The following ZNF605 variants were observed in gnomAD, a reference collection of about 807,000 sequenced individuals.
ZNF605 encodes the protein zinc finger protein 605.
ZNF605 carries 9 observed loss-of-function variants against 7.9 expected under a neutral mutation model. The observed-to-expected ratio is 1.14, with a 90% CI of 0.68 to 1.98. ZNF605 has a LOEUF of 1.98. ZNF605 is among the 30% of genes most tolerant of loss of function. ZNF605 has a pLI of 0.00. For synonymous variants in ZNF605, 255 were observed against 260.1 expected (o/e 0.98, Z 0.19); for missense variants, 673 against 762.4 (o/e 0.88, Z 1.38).
At chr12:132,944,653 A>G (rs1338137365) in intron 3 of ZNF605, 2 of 152,172 alleles carry the variant, frequency 1.3e-5, no homozygotes, top group Admixed American at 6.6e-5. Context: ...CCTCGAAGAA[A>G]CTGTGTTCTG....
rs941626447 is a variant in ZNF605 at position 132,937,642 on chromosome 12, T to C, written c.16-4487A>G. On this transcript the variant is annotated intron_variant, in intron 3 of 4. Coordinates refer to ENST00000360187, the MANE Select transcript of ZNF605 (RefSeq NM_183238.4). The stretch of plus-strand genomic sequence containing the variant: ...TTGAAAACATTTTGGCAGTTTCTTA[T>C]AAAGTTGAACACAGACTTACCACAC... Among the ~76,000 whole-genome samples the C allele has an allele frequency of 1.1e-4, 17 of 152,310 alleles. 1 individual carries two copies. The East Asian group carries it at 3.3e-3, about 29-fold the overall frequency.
chr12:132,928,841 G>A (rs545613025), intron 4 of ZNF605, among the ~76,000 whole-genome samples: 142 of 151,552 alleles, frequency 9.4e-4, no homozygotes, highest in African/African-American at 2.9e-3. Context: ...TGGAGAAACT[G>A]TCTCTTCAAA....
At chr12:132,943,100 C>T (rs1031635423) in intron 3 of ZNF605, among the ~76,000 whole-genome samples, 2 of 152,046 alleles carry the variant, frequency 1.3e-5, no homozygotes, top group African/African-American at 4.8e-5. Flanking sequence ...CGGTGGCTCA[C>T]GTCTGTAATC....
In ZNF605 at chr12:132,922,324, A is replaced by G. The variant is rs1272443746; in HGVS notation, c.*3049T>C. ...AGTAAAAGACTTCATAAGTCTTTCT[A>G]TTACTGAAGAGGAGCTTAGTAATAA... On this transcript the variant is annotated 3_prime_UTR_variant, in exon 5 of 5. Transcript: ENST00000360187. 1.3e-5 allele frequency: 2 copies of G among 152,346 alleles called. No homozygotes were observed. Among genetic ancestry groups the G allele is most frequent in the South Asian group, 2.1e-4 (1 of 4,830 alleles). The allele number at this position is 152,346 out of a possible 1,614,324, so 9.4% of individuals were successfully genotyped here.
In ZNF605 at chr12:132,933,999, G is replaced by T. The variant is rs1304789176; in HGVS notation, c.16-844C>A. Among the ~76,000 whole-genome samples the T allele has an allele frequency of 6.6e-6, 1 of 152,188 alleles. No homozygotes were observed. The highest frequency in any genetic ancestry group is 2.4e-5 in the African/African-American group (1 of 41,448). On this transcript the variant is annotated intron_variant, in intron 3 of 4. Coordinates refer to ENST00000360187, the MANE Select transcript of ZNF605 (RefSeq NM_183238.4). The surrounding 1 kb of genome is among the most constrained non-coding windows in gnomAD (Gnocchi z 4.4). ...TGGCTGGGCACGGTGGCTTATGCCT[G>T]TAATCCCAGCACTTTGGGAGGCTGA...
intron 4 of ZNF605, among the ~76,000 whole-genome samples, chr12:132,928,576 T>C (rs1283873088): frequency 1.3e-5 from 2 of 152,210 alleles, no homozygotes; most frequent in African/African-American, 2.4e-5. Flanking sequence ...GTACAATTGT[T>C]TGTGATTTCT....
chr12:132,941,613 C>T lies in ZNF605; in HGVS notation c.15+4008G>A, dbSNP rs1016161605. On this transcript the variant is annotated intron_variant, in intron 3 of 4. Coordinates refer to ENST00000360187, the MANE Select transcript of ZNF605 (RefSeq NM_183238.4). The surrounding 1 kb of genome is among the most constrained non-coding windows in gnomAD (Gnocchi z 5.1). ...GCAACAGGGTAACTGACTGTTGTAA[C>T]GGACAGCTTCGGTGGCTGCTGGGAG... Among the ~76,000 whole-genome samples, 2 of 152,238 alleles carry T rather than the reference C, an allele frequency of 1.3e-5. No homozygotes were observed. The highest frequency in any genetic ancestry group is 1.5e-5 in the Non-Finnish European group (1 of 68,042).
At chr12:132,952,322 A>T (rs1325067834) in intron 1 of ZNF605, among the ~76,000 whole-genome samples, 1 of 151,746 alleles carries the variant, frequency 6.6e-6, no homozygotes, top group Non-Finnish European at 1.5e-5. Context: ...TTAGCCGGGC[A>T]TGGTGGCGGG....
At chr12:132,950,149 T>C (rs1285763209) in intron 1 of ZNF605, among the ~76,000 whole-genome samples, 1 of 151,648 alleles carries the variant, frequency 6.6e-6, no homozygotes, top group Non-Finnish European at 1.5e-5. Context: ...GAGATCAAGG[T>C]CCCCCTGCCC....
At chr12:132,939,530 A>T (rs1210150847) in intron 3 of ZNF605, among the ~76,000 whole-genome samples, 163 of 151,990 alleles carry the variant, frequency 1.1e-3, no homozygotes, top group African/African-American at 3.8e-3. Flanking sequence ...TGTGTGTGGA[A>T]ACTCTGTATC....
At position 132,921,870 on chromosome 12, in the gene ZNF605, G is replaced by A. The variant is rs1746586343; in HGVS notation, c.*3503C>T. 6.6e-6 allele frequency: 1 copy of A among 152,306 alleles called. No individual in the cohort carries two copies. Among genetic ancestry groups the A allele is most frequent in the East Asian group, 1.9e-4 (1 of 5,186 alleles). 9.4% of individuals were successfully genotyped at this position (152,306 alleles called of 1,614,324 possible). The stretch of plus-strand genomic sequence containing the variant: ...GGAGAAATTCAAAAAAATGATGGGG[G>A]TGCTGCCCTCTGCTGGGCCTCTTTG... On this transcript the variant is annotated 3_prime_UTR_variant, in exon 5 of 5. Transcript: ENST00000360187.
rs1952176640 is a variant in ZNF605, at chr12:132,918,404, A to T, written c.*6969T>A. ...GTTTACTCAGTTAACATTTGCATAC[A>T]GAGATTTTCTTTTCAAACAGAGCAC... On this transcript the variant is annotated 3_prime_UTR_variant, in exon 5 of 5. Coordinates refer to ENST00000360187, the MANE Select transcript of ZNF605 (RefSeq NM_183238.4). 6.6e-6 allele frequency: 1 copy of T among 152,250 alleles called. No homozygotes were observed. Among genetic ancestry groups the T allele is most frequent in the Non-Finnish European group, 1.5e-5 (1 of 68,054 alleles). The allele number at this position is 152,250 out of a possible 1,614,324, so 9.4% of individuals were successfully genotyped here. A position where few individuals can be genotyped will look rare whatever the true frequency, so the allele number is the denominator to read the frequency against.
At chr12:132,935,021 G>T (rs1202711683) in intron 3 of ZNF605, among the ~76,000 whole-genome samples, 4 of 152,150 alleles carry the variant, frequency 2.6e-5, no homozygotes, top group Non-Finnish European at 5.9e-5. Flanking sequence ...TGTGTTTTCT[G>T]AGGGATGAAA....
chr12:132,919,633 C>T lies in ZNF605; in HGVS notation c.*5740G>A. 1 of 152,200 alleles carries T rather than the reference C, an allele frequency of 6.6e-6. No homozygotes were observed. Among genetic ancestry groups the T allele is most frequent in the Non-Finnish European group, 1.5e-5 (1 of 68,062 alleles). 9.4% of individuals were successfully genotyped at this position (152,200 alleles called of 1,614,324 possible). A position where few individuals can be genotyped will look rare whatever the true frequency, so the allele number is the denominator to read the frequency against. On this transcript the variant is annotated 3_prime_UTR_variant, in exon 5 of 5. Transcript: ENST00000360187. ...CTCAATCTCCTGACCTCGTGATCCA[C>T]CCATCTTGGCCTCCCAAAGTGCTGA... is the stretch of plus-strand genomic sequence containing the variant.
intron 3 of ZNF605, among the ~76,000 whole-genome samples, chr12:132,934,803 A>T (rs1228092794): frequency 6.6e-6 from 1 of 152,014 alleles, no homozygotes; most frequent in African/African-American, 2.4e-5. Flanking sequence ...TTCAGGCCAG[A>T]GTGAATAAGG....
intron 3 of ZNF605, among the ~76,000 whole-genome samples, chr12:132,943,871 A>G (rs1952471702): frequency 6.6e-6 from 1 of 152,166 alleles, no homozygotes; most frequent in Non-Finnish European, 1.5e-5. Context: ...CTTGCTGGAC[A>G]GCATTGCCGG....
At chr12:132,940,362 A>G (rs780519818) in intron 3 of ZNF605, among the ~76,000 whole-genome samples, 224 of 152,336 alleles carry the variant, frequency 1.5e-3, no homozygotes, top group Non-Finnish European at 2.7e-3. Flanking sequence ...TCCTGGTTAA[A>G]AAGGTCTGTG....
chr12:132,925,577 T>C lies in ZNF605; in HGVS notation c.1722A>G (p.Ala574=), dbSNP rs757931294. Residue 574 remains alanine (A), a synonymous_variant, in exon 5 of 5, where the codon GCA becomes GCG. Coordinates refer to ENST00000360187, the MANE Select transcript of ZNF605 (RefSeq NM_183238.4). ...GAATTCTCTGATGTATAATCAGCTG[T>C]GCCTTCTCAAAGAAAGCTTTTGCAC... ...SDCAKAFFEK[A]QLIIHQRIHT... 39 of 1,614,072 alleles carry C rather than the reference T, an allele frequency of 2.4e-5. No individual in the cohort carries two copies. The highest frequency in any genetic ancestry group is 3.0e-5 in the Non-Finnish European group (35 of 1,180,040).
chr12:132,939,083 A>G (rs1418029574), intron 3 of ZNF605, among the ~76,000 whole-genome samples: 1 of 151,278 alleles, frequency 6.6e-6, no homozygotes, highest in Non-Finnish European at 1.5e-5. Flanking sequence ...GACGAGCACC[A>G]CCCCCTGCTC....
Sources: gnomAD v4.1 joint callset for allele counts (sites outside exome capture counted in the v4.1 genomes callset) on GRCh38, gnomAD v4.1.1 for gene constraint, Gnocchi (gnomAD v3.1) non-coding constraint, MANE v1.5 for transcripts, NCBI Gene and HGNC (gene_info 2026-07-23, HGNC 2026-07-21) for gene names.